PEX14: variants seen among roughly 807,000 people sequenced by gnomAD.
PEX14 encodes peroxisomal biogenesis factor 14, also known as peroxisomal membrane protein PEX14.
PEX14 carries 15 observed loss-of-function variants against 49.5 expected under a neutral mutation model. That is an observed-to-expected ratio of 0.30 (90% confidence interval 0.20 to 0.47). The LOEUF (loss-of-function observed/expected upper bound fraction) is 0.47, where lower values mean the gene tolerates loss of function less well. Among genes scored for constraint, PEX14 ranks in the 20% least tolerant of loss-of-function variants. The probability of loss-of-function intolerance (pLI) is 1.00; values close to 1 mark genes in which losing one functional copy is unlikely to be tolerated. For missense variants in PEX14, 398 were observed against 494.8 expected (o/e 0.80, Z 1.86); for synonymous variants, 210 against 212.7 (o/e 0.99, Z 0.11).
intron 5 of PEX14, 35 bp from the exon 6 acceptor site, chr1:10,622,984 C>G: frequency 1.4e-6 from 2 of 1,388,174 alleles, no homozygotes; most frequent in Non-Finnish European, 1.0e-6. Context: ...ACCCCGGGTC[C>G]GTATGCATTC....
At chr1:10,538,320 A>C (rs1354759406) in intron 3 of PEX14, among the ~76,000 whole-genome samples, 2 of 152,220 alleles carry the variant, frequency 1.3e-5, no homozygotes, top group African/African-American at 4.8e-5. Context: ...GGTACAGTGG[A>C]CATAATTCCT....
intron 3 of PEX14, among the ~76,000 whole-genome samples, chr1:10,585,169 C>G (rs1293867662): frequency 6.6e-6 from 1 of 152,148 alleles, no homozygotes; most frequent in East Asian, 1.9e-4. Flanking sequence ...CAGACAAATT[C>G]CATTGACGGG....
chr1:10,488,209 A>T (rs1193610562), intron 1 of PEX14, among the ~76,000 whole-genome samples: 2 of 152,118 alleles, frequency 1.3e-5, no homozygotes, highest in East Asian at 3.9e-4. Context: ...ATTTGTCCTT[A>T]TCATTTCAGC....
chr1:10,600,627 A>C (rs1291553041), intron 4 of PEX14, among the ~76,000 whole-genome samples: 1 of 150,918 alleles, frequency 6.6e-6, no homozygotes, highest in African/African-American at 2.4e-5. Flanking sequence ...CTGAGGCAGG[A>C]GAATCACTTA....
At position 10,539,631 on chromosome 1, in the gene PEX14, T is replaced by C. The variant is rs1406091303; in HGVS notation, c.169+3334T>C. Among the ~76,000 whole-genome samples the C allele has an allele frequency of 2.0e-5, 3 of 152,144 alleles. No homozygotes were observed. The highest frequency in any genetic ancestry group is 4.8e-5 in the African/African-American group (2 of 41,418). On this transcript the variant is annotated intron_variant, in intron 3 of 8. Transcript: ENST00000356607. This position sits in a 1 kb window ranked among gnomAD's most constrained non-coding sequence, Gnocchi z 4.6. ...AGAAGCAGTTCTTGCCAGGCAGGCA[T>C]CATATCTGGGGCTTTAAGCAGGCTG...
rs375541497 is a variant in PEX14 at position 10,624,695 on chromosome 1, A to G, written c.585+258A>G. On this transcript the variant is annotated intron_variant, in intron 7 of 8. Coordinates refer to ENST00000356607, the MANE Select transcript of PEX14 (RefSeq NM_004565.3). ...TCACCTCCCAACAGGAGGAAGGAAAAGCTACCCTCTGCCTGTGGAGATCTC... is the reference window on the plus strand; with the variant it reads ...TCACCTCCCAACAGGAGGAAGGAAAGGCTACCCTCTGCCTGTGGAGATCTC... Among the ~76,000 whole-genome samples the G allele has an allele frequency of 3.9e-5, 6 of 152,160 alleles. No individual in the cohort carries two copies. In the East Asian group the frequency reaches 1.2e-3, roughly 29 times the overall value.
intron 3 of PEX14, among the ~76,000 whole-genome samples, chr1:10,575,042 C>T (rs1386036671): frequency 1.4e-5 from 2 of 147,932 alleles, no homozygotes; most frequent in Admixed American, 1.4e-4. Context: ...AGCTGCACTC[C>T]TAGACAACAG....
chr1:10,487,991 G>A (rs929962610), intron 1 of PEX14, among the ~76,000 whole-genome samples: 19 of 151,652 alleles, frequency 1.3e-4, no homozygotes, highest in African/African-American at 4.6e-4. Context: ...ACCTTGGCCA[G>A]GCTTGTCTCG....
At chr1:10,515,729 C>G (rs1007504676) in intron 2 of PEX14, among the ~76,000 whole-genome samples, 1 of 152,118 alleles carries the variant, frequency 6.6e-6, no homozygotes, top group South Asian at 2.1e-4. Context: ...ATCCTTCACC[C>G]GGCTCTGGCT....
chr1:10,569,548 C>G (rs375320916), intron 3 of PEX14, among the ~76,000 whole-genome samples: 2 of 152,150 alleles, frequency 1.3e-5, no homozygotes, highest in African/African-American at 4.8e-5. Context: ...TGGTTGAGTT[C>G]CTGTCTTCCA....
chr1:10,611,285 T>C (rs1163525367), intron 4 of PEX14, among the ~76,000 whole-genome samples: 1 of 152,002 alleles, frequency 6.6e-6, no homozygotes, highest in Non-Finnish European at 1.5e-5. Context: ...AAAAAAAAAT[T>C]AATAGCCATT....
chr1:10,616,249 G>T (rs780269872), intron 4 of PEX14, among the ~76,000 whole-genome samples: 1 of 152,108 alleles, frequency 6.6e-6, no homozygotes, highest in African/African-American at 2.4e-5. Flanking sequence ...GTGGGGCTGC[G>T]TGCCAGCAGC....
At chr1:10,584,358 T>C (rs140627769) in intron 3 of PEX14, among the ~76,000 whole-genome samples, 1 of 152,292 alleles carries the variant, frequency 6.6e-6, no homozygotes, top group African/African-American at 2.4e-5. Context: ...ATATTATGAA[T>C]CAAGTTCAGA....
At chr1:10,556,768 G>A (rs1195077516) in intron 3 of PEX14, among the ~76,000 whole-genome samples, 2 of 152,164 alleles carry the variant, frequency 1.3e-5, no homozygotes, top group African/African-American at 4.8e-5. Context: ...TAATAACTCA[G>A]TACAGGAACA....
chr1:10,621,342 C>CTTTTTTT (rs930417764), intron 5 of PEX14, among the ~76,000 whole-genome samples: 4 of 108,028 alleles, frequency 3.7e-5, no homozygotes, highest in African/African-American at 7.1e-5. Flanking sequence ...TATATGAATT[C>CTTTTTTT]TTTTTTTTTT....
intron 4 of PEX14, among the ~76,000 whole-genome samples, chr1:10,615,515 G>T (rs575534927): frequency 6.6e-6 from 1 of 152,370 alleles, no homozygotes; most frequent in African/African-American, 2.4e-5. Flanking sequence ...TGCATTGTGT[G>T]GGCGCAGCCG....
intron 2 of PEX14, among the ~76,000 whole-genome samples, chr1:10,518,068 C>T (rs977893991): frequency 6.6e-6 from 1 of 152,004 alleles, no homozygotes; most frequent in Non-Finnish European, 1.5e-5. Context: ...GAAGTCCTGA[C>T]CTGTGCCTTT....
intron 3 of PEX14, among the ~76,000 whole-genome samples, chr1:10,549,629 G>A (rs750124451): frequency 9.2e-5 from 14 of 152,112 alleles, no homozygotes; most frequent in Non-Finnish European, 2.9e-5. Flanking sequence ...AAGTATCTCC[G>A]ATCCAAAATG....
At chr1:10,577,573 T>G (rs1422425572) in intron 3 of PEX14, among the ~76,000 whole-genome samples, 2 of 6,800 alleles carry the variant, frequency 2.9e-4, no homozygotes, top group African/African-American at 1.1e-3. Context: ...TTTTTTTTTT[T>G]TTTTTTTTTT....
Sources: allele counts gnomAD v4.1 joint callset (sites outside exome capture counted in the v4.1 genomes callset), GRCh38; gene constraint gnomAD v4.1.1; non-coding constraint Gnocchi (gnomAD v3.1); transcripts MANE v1.5; gene names NCBI Gene and HGNC (gene_info 2026-07-23, HGNC 2026-07-21).